The following PIAS1 variants were observed in gnomAD, a reference collection of about 807,000 sequenced individuals.
PIAS1 encodes the protein protein inhibitor of activated STAT 1.
Under a neutral mutation model 71.3 loss-of-function variants are expected in PIAS1, and 6 were observed. The ratio of observed to expected loss-of-function variants is 0.08; its 90% CI spans 0.05 to 0.17. The LOEUF is 0.17. PIAS1 is among the 10% of genes least tolerant of loss of function. PIAS1 has a pLI of 1.00. For synonymous variants in PIAS1, 303 were observed against 292.9 expected (o/e 1.03, Z -0.35); for missense variants, 555 against 793.6 (o/e 0.70, Z 3.61).
rs756503958 is a variant in PIAS1 at position 68,087,861 on chromosome 15, C to T, written c.469+1111C>T. The T allele has an allele frequency of 8.7e-5, 30 of 346,672 alleles. 2 individuals carry two copies. Among genetic ancestry groups the T allele is most frequent in the South Asian group, 5.9e-4 (27 of 45,992 alleles). 21.5% of individuals were successfully genotyped at this position (346,672 alleles called of 1,614,324 possible). A position where few individuals can be genotyped will look rare whatever the true frequency, so the allele number is the denominator to read the frequency against. On this transcript the variant is annotated intron_variant, in intron 2 of 13. Coordinates refer to ENST00000249636, the MANE Select transcript of PIAS1 (RefSeq NM_016166.3). ...ATTTAGCAGAAATTATCTGAATACACGAAGATTATAGGAGTCATTTTCAAA... is the reference window on the plus strand; with the variant it reads ...ATTTAGCAGAAATTATCTGAATACATGAAGATTATAGGAGTCATTTTCAAA...
chr15:68,137,280 A>C (rs777885403), intron 2 of PIAS1, among the ~76,000 whole-genome samples: 9 of 152,220 alleles, frequency 5.9e-5, no homozygotes, highest in Non-Finnish European at 1.3e-4. Flanking sequence ...AAATAACCTA[A>C]ATGACTAATC....
At chr15:68,062,520 C>A (rs2091971085) in intron 1 of PIAS1, among the ~76,000 whole-genome samples, 1 of 152,170 alleles carries the variant, frequency 6.6e-6, no homozygotes. Flanking sequence ...TAGCATCATC[C>A]CCTTCCCAAA....
intron 12 of PIAS1, among the ~76,000 whole-genome samples, chr15:68,182,711 C>T (rs1333486978): frequency 3.9e-5 from 6 of 152,286 alleles, no homozygotes; most frequent in African/African-American, 7.2e-5. Context: ...TGAGCCACTA[C>T]GGCCAGCCAG....
chr15:68,099,041 T>C (rs1007886257), intron 2 of PIAS1, among the ~76,000 whole-genome samples: 1 of 152,160 alleles, frequency 6.6e-6, no homozygotes, highest in Non-Finnish European at 1.5e-5. Flanking sequence ...CCATGTGTTA[T>C]TAAACTTTTT....
intron 2 of PIAS1, chr15:68,087,814 T>G (rs2092296645): frequency 2.9e-6 from 1 of 341,772 alleles, no homozygotes; most frequent in Non-Finnish European, 6.1e-6. Context: ...CTTTGAAATA[T>G]GAAGTGTTTG....
intron 2 of PIAS1, among the ~76,000 whole-genome samples, chr15:68,117,681 C>G (rs2092577333): frequency 6.6e-6 from 1 of 152,164 alleles, no homozygotes; most frequent in East Asian, 1.9e-4. Context: ...CCACAAAAGA[C>G]AGGATTTTAT....
At chr15:68,146,822 C>A in intron 6 of PIAS1, 122 bp downstream of exon 6, 1 of 771,636 alleles carries the variant, frequency 1.3e-6, no homozygotes, top group Non-Finnish European at 2.1e-6. Context: ...TTTTGTCTCA[C>A]AATGAATTTT....
chr15:68,177,030 A>G (rs796462250), intron 11 of PIAS1, among the ~76,000 whole-genome samples: 9 of 152,258 alleles, frequency 5.9e-5, no homozygotes, highest in African/African-American at 2.2e-4. Context: ...CTGTAATCCT[A>G]GGACTTTGGG....
chr15:68,090,207 T>A (rs28507108), intron 2 of PIAS1, among the ~76,000 whole-genome samples: 13,471 of 151,506 alleles, frequency 0.089, 1,825 homozygotes, highest in African/African-American at 0.29. Flanking sequence ...TAATAATAAT[T>A]ATTATTATTT....
intron 8 of PIAS1, among the ~76,000 whole-genome samples, chr15:68,165,359 G>T (rs2092951092): frequency 6.6e-6 from 1 of 152,148 alleles, no homozygotes; most frequent in Non-Finnish European, 1.5e-5. Flanking sequence ...GACCTCAGGT[G>T]ATCCACCCGC....
intron 2 of PIAS1, among the ~76,000 whole-genome samples, chr15:68,139,178 TA>T (rs1595758868): frequency 6.6e-6 from 1 of 152,222 alleles, no homozygotes; most frequent in East Asian, 1.9e-4. Context: ...ACATGGCACG[TA>T]AGTGGCAAAA....
At chr15:68,166,142 C>A (rs554900507) in intron 8 of PIAS1, among the ~76,000 whole-genome samples, 99 of 152,062 alleles carry the variant, frequency 6.5e-4, no homozygotes, top group African/African-American at 2.3e-3. Context: ...CAAATTGTAT[C>A]ATTGTGTATA....
intron 2 of PIAS1, among the ~76,000 whole-genome samples, chr15:68,130,235 G>T (rs1321760623): frequency 6.6e-6 from 1 of 151,778 alleles, no homozygotes. Context: ...AAAGAAAAAG[G>T]CTTATGAAAG....
intron 8 of PIAS1, among the ~76,000 whole-genome samples, chr15:68,166,685 A>G (rs878959071): frequency 2.6e-5 from 4 of 152,252 alleles, no homozygotes; most frequent in Admixed American, 2.0e-4. Context: ...TAACACATAT[A>G]TGAAGCATTT....
intron 2 of PIAS1, among the ~76,000 whole-genome samples, chr15:68,123,314 A>G (rs1348804505): frequency 6.6e-6 from 1 of 152,130 alleles, no homozygotes; most frequent in Admixed American, 6.5e-5. Context: ...GGCCACCCAG[A>G]GTGCTGGGAT....
chr15:68,071,895 C>T (rs1456314192), intron 1 of PIAS1, among the ~76,000 whole-genome samples: 1 of 151,614 alleles, frequency 6.6e-6, no homozygotes, highest in Non-Finnish European at 1.5e-5. Flanking sequence ...CTGCAGTGAG[C>T]CATGATCATG....
intron 7 of PIAS1, among the ~76,000 whole-genome samples, chr15:68,155,520 A>G (rs2092883110): frequency 6.6e-6 from 1 of 151,912 alleles, no homozygotes; most frequent in African/African-American, 2.4e-5. Flanking sequence ...TGTTTACAAT[A>G]ACTTGACAAA....
rs149967415 is a variant in PIAS1, at chr15:68,115,864, T to C, written c.470-26082T>C. On this transcript the variant is annotated intron_variant, in intron 2 of 13. Transcript: ENST00000249636. ...TTTTGAATGGTGAACCAGCCTTGTATTTTTGCAACAAATCTCCCTTAGTTA... is the reference window on the plus strand; with the variant it reads ...TTTTGAATGGTGAACCAGCCTTGTACTTTTGCAACAAATCTCCCTTAGTTA... Among the ~76,000 whole-genome samples the C allele has an allele frequency of 3.7e-4, 57 of 152,256 alleles. No homozygotes were observed. The East Asian group carries it at 0.01, about 27-fold the overall frequency.
At position 68,134,837 on chromosome 15, in the gene PIAS1, C is replaced by T. The variant is rs1337596931; in HGVS notation, c.470-7109C>T. Among the ~76,000 whole-genome samples the T allele has an allele frequency of 3.7e-3, 150 of 40,026 alleles. 21 individuals carry two copies. Among genetic ancestry groups the T allele is most frequent in the African/African-American group, 5.9e-3 (111 of 18,918 alleles). The allele number at this position is 40,026 out of a possible 152,430, so 26.3% of individuals were successfully genotyped here. ...CTCCCGGATGGGGCGGCTGGCCGGG[C>T]GGGGGGCTGACCCCCCCACCGCCCT... On this transcript the variant is annotated intron_variant, in intron 2 of 13. Transcript: ENST00000249636.
Sources: allele counts gnomAD v4.1 joint callset (sites outside exome capture counted in the v4.1 genomes callset), GRCh38; gene constraint gnomAD v4.1.1; transcripts MANE v1.5; gene names NCBI Gene and HGNC (gene_info 2026-07-23, HGNC 2026-07-21).